The following SYN3 variants were observed in gnomAD, a reference collection of about 807,000 sequenced individuals.
The protein encoded by SYN3 is synapsin-3.
Under a neutral mutation model 65.8 loss-of-function variants are expected in SYN3, and 35 were observed. The observed-to-expected ratio is 0.53, with a 90% confidence interval of 0.41 to 0.70. SYN3 has a LOEUF of 0.70. Among genes scored for constraint, SYN3 ranks in the 30% least tolerant of loss-of-function variants. The probability of loss-of-function intolerance (pLI) is 0.00; values close to 1 mark genes in which losing one functional copy is unlikely to be tolerated. For synonymous variants in SYN3, 270 were observed against 292.9 expected, an observed-to-expected ratio of 0.92 and a Z score of 0.80; for missense variants, 680 against 749.0, an observed-to-expected ratio of 0.91 and a Z score of 1.08.
chr22:32,875,626 T>C (rs2048962896), intron 4 of SYN3, among the ~76,000 whole-genome samples: 1 of 152,118 alleles, frequency 6.6e-6, no homozygotes, highest in Non-Finnish European at 1.5e-5. Flanking sequence ...CTGATGTCTT[T>C]AGGAGAAGAG....
intron 6 of SYN3, among the ~76,000 whole-genome samples, chr22:32,815,812 A>G (rs941943743): frequency 2.0e-5 from 3 of 152,182 alleles, no homozygotes; most frequent in Non-Finnish European, 2.9e-5. Flanking sequence ...TCCTGACTCC[A>G]GAGTCCGAGC....
At chr22:32,639,942 C>T (rs2059872333) in intron 6 of SYN3, among the ~76,000 whole-genome samples, 1 of 152,188 alleles carries the variant, frequency 6.6e-6, no homozygotes, top group African/African-American at 2.4e-5. Flanking sequence ...CTATCCTCTT[C>T]CCATTTGATC....
chr22:32,937,548 GGAGA>G (rs964658622), intron 3 of SYN3, among the ~76,000 whole-genome samples: 1 of 151,946 alleles, frequency 6.6e-6, no homozygotes, highest in African/African-American at 2.4e-5. Context: ...CAGAGAAGCA[GGAGA>G]GAGAGAGAGC....
At chr22:32,830,587 C>T (rs1410436492) in intron 6 of SYN3, among the ~76,000 whole-genome samples, 1 of 152,170 alleles carries the variant, frequency 6.6e-6, no homozygotes, top group Non-Finnish European at 1.5e-5. Flanking sequence ...ACAGGTCATG[C>T]ACAGGCAGCT....
chr22:32,605,695 C>G (rs1259019607), intron 6 of SYN3, among the ~76,000 whole-genome samples: 1 of 152,200 alleles, frequency 6.6e-6, no homozygotes, highest in Non-Finnish European at 1.5e-5. Context: ...TGCATGGTGC[C>G]GCCTCTGGAC....
chr22:32,682,299 G>A (rs962056270), intron 6 of SYN3, among the ~76,000 whole-genome samples: 10 of 152,200 alleles, frequency 6.6e-5, no homozygotes, highest in Non-Finnish European at 1.5e-4. Context: ...TATCAATCGT[G>A]TAGAGACTGA....
intron 4 of SYN3, among the ~76,000 whole-genome samples, chr22:32,906,657 T>G (rs1466022168): frequency 1.3e-5 from 2 of 152,014 alleles, no homozygotes; most frequent in Non-Finnish European, 2.9e-5. Flanking sequence ...ACCCTCCCCT[T>G]GCCCCCCACC....
intron 6 of SYN3, among the ~76,000 whole-genome samples, chr22:32,685,266 A>T (rs963997985): frequency 1.0e-4 from 15 of 145,762 alleles, no homozygotes; most frequent in South Asian, 2.3e-4. Context: ...TACCTGGAAA[A>T]CTTCTTCAAG....
At chr22:32,598,549 G>A (rs972984825) in intron 6 of SYN3, among the ~76,000 whole-genome samples, 1 of 152,080 alleles carries the variant, frequency 6.6e-6, no homozygotes, top group East Asian at 1.9e-4. Flanking sequence ...GCAGTGGCAC[G>A]ATCTTGGCCC....
intron 4 of SYN3, among the ~76,000 whole-genome samples, chr22:32,898,089 G>A (rs912336112): frequency 2.6e-5 from 4 of 152,108 alleles, no homozygotes; most frequent in African/African-American, 7.2e-5. Context: ...TCCACCTCCC[G>A]GCTTCAAGCG....
intron 6 of SYN3, among the ~76,000 whole-genome samples, chr22:32,715,422 C>T (rs2061023957): frequency 6.6e-6 from 1 of 152,188 alleles, no homozygotes; most frequent in Admixed American, 6.5e-5. Flanking sequence ...TTGGGAATTG[C>T]TGATGTGAAA....
intron 4 of SYN3, among the ~76,000 whole-genome samples, chr22:32,872,823 G>C (rs538351800): frequency 6.7e-4 from 102 of 152,204 alleles, no homozygotes; most frequent in African/African-American, 2.4e-3. Flanking sequence ...ACCGAGCCTC[G>C]ACAGTGGGCC....
At chr22:33,030,175 C>T (rs1042951726) in intron 1 of SYN3, among the ~76,000 whole-genome samples, 9 of 152,154 alleles carry the variant, frequency 5.9e-5, no homozygotes, top group South Asian at 2.1e-4. Flanking sequence ...CCAGGCACCC[C>T]GTCAATGAGA....
At chr22:32,990,836 T>A (rs1239012372) in intron 2 of SYN3, among the ~76,000 whole-genome samples, 2 of 151,080 alleles carry the variant, frequency 1.3e-5, no homozygotes, top group African/African-American at 4.9e-5. Flanking sequence ...TCACTGGAGG[T>A]GGGGAGTTCG....
intron 6 of SYN3, among the ~76,000 whole-genome samples, chr22:32,673,820 G>A (rs2060404539): frequency 6.6e-6 from 1 of 152,186 alleles, no homozygotes; most frequent in Non-Finnish European, 1.5e-5. Context: ...CCCAAATGAG[G>A]TGATGCCAGA....
intron 6 of SYN3, among the ~76,000 whole-genome samples, chr22:32,677,086 T>C (rs1403290334): frequency 6.6e-6 from 1 of 152,206 alleles, no homozygotes; most frequent in African/African-American, 2.4e-5. Flanking sequence ...ATACATGTTG[T>C]GGCAGACGCA....
intron 6 of SYN3, among the ~76,000 whole-genome samples, chr22:32,755,590 G>C (rs1176057556): frequency 6.6e-6 from 1 of 152,146 alleles, no homozygotes; most frequent in African/African-American, 2.4e-5. Context: ...TAAAGACAAA[G>C]AGCTTTCTTG....
At chr22:32,570,507 CA>C (rs2058744530) in intron 7 of SYN3, among the ~76,000 whole-genome samples, 1 of 149,114 alleles carries the variant, frequency 6.7e-6, no homozygotes. Flanking sequence ...TGAAGCTGTG[CA>C]TGTTTCTCTC....
At chr22:32,915,471 G>A (rs1287009895) in intron 4 of SYN3, among the ~76,000 whole-genome samples, 1 of 151,876 alleles carries the variant, frequency 6.6e-6, no homozygotes, top group African/African-American at 2.4e-5. Flanking sequence ...GCAGGATGAC[G>A]GTATAGAGAT....
Sources: gnomAD v4.1 joint callset for allele counts (sites outside exome capture counted in the v4.1 genomes callset) on GRCh38, gnomAD v4.1.1 for gene constraint, MANE v1.5 for transcripts, NCBI Gene and HGNC (gene_info 2026-07-23, HGNC 2026-07-21) for gene names.